SPART: variants seen among roughly 807,000 people sequenced by gnomAD.
SPART encodes the protein spartin.
A neutral mutation model predicts 58.7 loss-of-function variants in SPART; 35 were observed. The ratio of observed to expected loss-of-function variants is 0.60; its 90% CI spans 0.46 to 0.79. The LOEUF is 0.79. SPART is among the 30% of genes least tolerant of loss of function. SPART has a pLI of 0.00. For synonymous variants in SPART, 284 were observed against 280.7 expected, an observed-to-expected ratio of 1.01 and a Z score of -0.12; for missense variants, 730 against 786.1, an observed-to-expected ratio of 0.93 and a Z score of 0.85.
intron 1 of SPART, among the ~76,000 whole-genome samples, chr13:36,353,198 T>G (rs753612361): frequency 1.3e-5 from 2 of 152,336 alleles, no homozygotes; most frequent in Admixed American, 1.3e-4. Context: ...ACCATTCATC[T>G]TGTTTACATG....
At chr13:36,369,411 T>G (rs929345645) in intron 1 of SPART, 1 of 152,236 alleles carries the variant, frequency 6.6e-6, no homozygotes, top group African/African-American at 2.4e-5. Flanking sequence ...CTCCAAATTC[T>G]GCTGTGGTTT....
rs755669146 is a variant in SPART at position 36,364,280 on chromosome 13, AT to A, written c.-3+5808del. Among the ~76,000 whole-genome samples, 7 of 152,240 alleles carry A rather than the reference AT, an allele frequency of 4.6e-5. No individual in the cohort carries two copies. In the South Asian group the frequency reaches 8.3e-4, roughly 18 times the overall value. On this transcript the variant is annotated intron_variant, in intron 1 of 8. Coordinates refer to the SPART transcript ENST00000355182. The stretch of plus-strand genomic sequence containing the variant: ...GCCTACTTCTGGACACCCACTGACT[AT>A]TTTATCTGTACCATGAGCTCCAACA...
chr13:36,319,217 T>C (rs1882085645), intron 5 of SPART, among the ~76,000 whole-genome samples: 1 of 88,990 alleles, frequency 1.1e-5, no homozygotes, highest in Non-Finnish European at 2.7e-5. Flanking sequence ...GCTGAGACAC[T>C]AACTAAATTA....
chr13:36,326,499 C>T, intron 5 of SPART, 76 bp downstream of exon 5: 1 of 1,552,930 alleles, frequency 6.4e-7, no homozygotes, highest in East Asian at 2.3e-5. Flanking sequence ...CTCAGTATTC[C>T]CTAATAAACA....
rs1057176008 is a variant in SPART at position 36,303,506 on chromosome 13, T to C, written c.*859A>G. 3 of 152,092 alleles carry C rather than the reference T, an allele frequency of 2.0e-5. No homozygotes were observed. The highest frequency in any genetic ancestry group is 7.2e-5 in the African/African-American group (3 of 41,446). 9.4% of individuals were successfully genotyped at this position (152,092 alleles called of 1,614,324 possible). ...AAATTCCAATGACCGAATCCCAGAA[T>C]AAAAATGTTTACCATTAGTAAACTC... is the stretch of plus-strand genomic sequence containing the variant. On this transcript the variant is annotated 3_prime_UTR_variant, in exon 9 of 9. Coordinates refer to ENST00000438666, the MANE Select transcript of SPART (RefSeq NM_015087.5).
chr13:36,333,996 A>G (rs577051249), intron 2 of SPART, among the ~76,000 whole-genome samples: 3 of 152,328 alleles, frequency 2.0e-5, no homozygotes, highest in Middle Eastern at 3.4e-3. Flanking sequence ...AGTTGACTTC[A>G]TATAAAAACT....
rs373829159 is a variant in SPART at position 36,331,556 on chromosome 13, G to A, written c.851C>T (p.Pro284Leu). 21 of 1,613,716 alleles carry A rather than the reference G, an allele frequency of 1.3e-5. No homozygotes were observed. The highest frequency in any genetic ancestry group is 1.7e-5 in the Non-Finnish European group (20 of 1,179,980). Residue 284 changes from proline to leucine, a missense_variant, in exon 3 of 9, where the codon CCG (proline) becomes CTG (leucine). Physicochemically the swap from Pro to Leu is moderately conservative, Grantham distance 98. Coordinates refer to ENST00000438666, the MANE Select transcript of SPART (RefSeq NM_015087.5). ...GGCTCCCGCAGTACATTTCAGAACC[G>A]GAGATCTATCAGGAACTAGAGGATA... ...WLYPLVPDRS[P>L]VLKCTAGAYM...
intron 1 of SPART, among the ~76,000 whole-genome samples, chr13:36,363,615 C>A (rs1885949859): frequency 6.6e-6 from 1 of 152,094 alleles, no homozygotes; most frequent in South Asian, 2.1e-4. Context: ...GTGAAATTAG[C>A]CTGAAATTAG....
intron 5 of SPART, among the ~76,000 whole-genome samples, chr13:36,319,298 C>G (rs1351950619): frequency 6.6e-6 from 1 of 151,268 alleles, no homozygotes; most frequent in Non-Finnish European, 1.5e-5. Flanking sequence ...CCAAAGCCTC[C>G]TTTGCGTCCC....
At chr13:36,365,165 C>A (rs916254310) in intron 1 of SPART, among the ~76,000 whole-genome samples, 2 of 152,194 alleles carry the variant, frequency 1.3e-5, no homozygotes, top group Non-Finnish European at 2.9e-5. Context: ...CTACACACTG[C>A]ACTCTTTATC....
chr13:36,314,243 T>C lies in SPART; in HGVS notation c.1467A>G (p.Lys489=). The C allele has an allele frequency of 6.2e-7, 1 of 1,614,094 alleles. No individual in the cohort carries two copies. Among genetic ancestry groups the C allele is most frequent in the Non-Finnish European group, 8.5e-7 (1 of 1,180,012 alleles). The stretch of plus-strand genomic sequence containing the variant: ...TTACTTTACCCAGGAACTGACTGAC[T>C]TTTGCTGCTCCTCCTGTAGCTTGCT... ...IAKQATGGAA[K]VSQFLVDGVC... is the part of the protein sequence containing the mutation. The change falls in exon 6 of 9, where the codon AAA becomes AAG. Residue 489 remains lysine, a synonymous_variant. Transcript: ENST00000438666.
intron 2 of SPART, among the ~76,000 whole-genome samples, chr13:36,334,555 C>T (rs1394504806): frequency 6.6e-6 from 1 of 152,132 alleles, no homozygotes; most frequent in Non-Finnish European, 1.5e-5. Context: ...TGCCTCCAGA[C>T]ATTGTCAAAT....
intron 1 of SPART, among the ~76,000 whole-genome samples, chr13:36,363,132 A>G (rs1402337705): frequency 6.6e-6 from 1 of 152,250 alleles, no homozygotes; most frequent in Non-Finnish European, 1.5e-5. Context: ...GCATGGAACG[A>G]AAGTATTTCA....
chr13:36,356,917 C>CTTTGT (rs71198419), intron 1 of SPART, among the ~76,000 whole-genome samples: 38,569 of 151,958 alleles, frequency 0.25, 5,186 homozygotes, highest in East Asian at 0.51. Context: ...ATTAAAAGTG[C>CTTTGT]TTTATTTCAA....
At chr13:36,361,809 A>G (rs980084287) in intron 1 of SPART, among the ~76,000 whole-genome samples, 9 of 152,240 alleles carry the variant, frequency 5.9e-5, no homozygotes, top group African/African-American at 1.9e-4. Flanking sequence ...CAACATTCTT[A>G]TAGTAAGAAA....
chr13:36,337,997 C>A (rs976352933), intron 1 of SPART, among the ~76,000 whole-genome samples: 7 of 152,148 alleles, frequency 4.6e-5, no homozygotes, highest in Non-Finnish European at 1.0e-4. Flanking sequence ...TGTTGTCCCT[C>A]AAACTGCAAA....
chr13:36,347,385 AT>A (rs1386415197), upstream of SPART, among the ~76,000 whole-genome samples: 1 of 152,042 alleles, frequency 6.6e-6, no homozygotes, highest in Non-Finnish European at 1.5e-5. Context: ...CTCCCGTCTA[AT>A]TTTTGTATTT....
At chr13:36,358,763 G>A (rs982402940) in intron 1 of SPART, among the ~76,000 whole-genome samples, 21 of 152,094 alleles carry the variant, frequency 1.4e-4, no homozygotes, top group Admixed American at 9.8e-4. Flanking sequence ...TAAGAAAATC[G>A]TATTTTAAGT....
rs1156362606 is a variant in SPART, at chr13:36,326,567, T to C, written c.1288+8A>G. On this transcript the variant is annotated splice_region_variant and intron_variant, in intron 5 of 8. Coordinates refer to ENST00000438666, the MANE Select transcript of SPART (RefSeq NM_015087.5). ...ATACAGGGAAAAAAATTAACATTACTGTAATACCTGACAAAATGTTGTGAG... is the reference window on the plus strand; with the variant it reads ...ATACAGGGAAAAAAATTAACATTACCGTAATACCTGACAAAATGTTGTGAG... The C allele has an allele frequency of 1.2e-6, 2 of 1,613,260 alleles. No homozygotes were observed. Among genetic ancestry groups the C allele is most frequent in the South Asian group, 1.1e-5 (1 of 91,056 alleles).
Sources: gnomAD v4.1 joint callset for allele counts (sites outside exome capture counted in the v4.1 genomes callset) on GRCh38, gnomAD v4.1.1 for gene constraint, MANE v1.5 for transcripts, NCBI Gene and HGNC (gene_info 2026-07-23, HGNC 2026-07-21) for gene names.